Variants in IFIH1 observed in about 807,000 individuals in gnomAD.
The protein encoded by IFIH1 is interferon induced with helicase C domain 1.
Under a neutral mutation model 107.4 loss-of-function variants are expected in IFIH1, and 125 were observed. That is an observed-to-expected ratio of 1.16 (90% CI 1.01 to 1.35). The LOEUF is 1.35. Among genes scored for constraint, IFIH1 ranks in the 40% most tolerant of loss-of-function variants. The pLI, the probability that IFIH1 is intolerant of heterozygous loss-of-function variation, is 0.00. For synonymous variants in IFIH1, 458 were observed against 413.2 expected (o/e 1.11, Z -1.31); for missense variants, 1,333 against 1,213.7 (o/e 1.10, Z -1.46).
At chr2:162,277,068 A>G (rs1682687966) in intron 10 of IFIH1, 122 bp from the exon 11 acceptor site, 3 of 712,090 alleles carry the variant, frequency 4.2e-6, no homozygotes. Flanking sequence ...AAATTAATTA[A>G]TTTAAAAACT....
rs1443563180 is a variant in IFIH1 at position 162,306,226 on chromosome 2, C to A, written c.769+483G>T. Among the ~76,000 whole-genome samples, 2 of 152,160 alleles carry A rather than the reference C, an allele frequency of 1.3e-5. 1 individual carries two copies. Among genetic ancestry groups the A allele is most frequent in the Non-Finnish European group, 2.9e-5 (2 of 68,032 alleles). The stretch of plus-strand genomic sequence containing the variant: ...TTCAGTCCTCACCGATTAGTTAATG[C>A]AATTCAAGCCAACCCTAGTTCAGCA... On this transcript the variant is annotated intron_variant, in intron 3 of 15. Transcript: ENST00000649979.
chr2:162,284,406 T>TA, intron 5 of IFIH1, among the ~76,000 whole-genome samples: 1 of 152,086 alleles, frequency 6.6e-6, no homozygotes, highest in African/African-American at 2.4e-5. Flanking sequence ...TCCAGATTAA[T>TA]AAAATGAGGA....
rs17715343 is a variant in IFIH1, at chr2:162,311,236, C to G, written c.454-303G>C. 0.061 allele frequency among the ~76,000 whole-genome samples: 9,256 copies of G among 152,060 alleles called. 422 individuals are homozygous for G. The highest frequency in any genetic ancestry group is 0.23 in the Middle Eastern group (67 of 294). ...CCTGACACCTAGAAAATAAATTTTACCTCAGCCATTCCTGAATAAAGGATA... is the reference window on the plus strand; with the variant it reads ...CCTGACACCTAGAAAATAAATTTTAGCTCAGCCATTCCTGAATAAAGGATA... On this transcript the variant is annotated intron_variant, in intron 1 of 15. Transcript: ENST00000649979.
chr2:162,291,634 G>A (rs1403431537), intron 4 of IFIH1, among the ~76,000 whole-genome samples: 2 of 151,720 alleles, frequency 1.3e-5, no homozygotes, highest in Admixed American at 1.3e-4. Flanking sequence ...GCCCATATAT[G>A]ACCTCTGGAG....
At chr2:162,276,632 G>C in intron 11 of IFIH1, 55 bp downstream of exon 11, 1 of 1,543,136 alleles carries the variant, frequency 6.5e-7, no homozygotes, top group Non-Finnish European at 8.7e-7. Context: ...AAGAAGAGAA[G>C]AGAAGAAGAA....
chr2:162,270,399 T>G (rs942178360), intron 13 of IFIH1, among the ~76,000 whole-genome samples: 1 of 152,200 alleles, frequency 6.6e-6, no homozygotes. Flanking sequence ...TGTCTGAAGA[T>G]TGTGTTGAGA....
At chr2:162,283,556 A>G (rs191669844) in intron 5 of IFIH1, among the ~76,000 whole-genome samples, 1 of 152,150 alleles carries the variant, frequency 6.6e-6, no homozygotes, top group East Asian at 1.9e-4. Flanking sequence ...AGTTGGCAGG[A>G]AGAGTTTCAA....
At chr2:162,288,428 C>A in intron 4 of IFIH1, 73 bp from the exon 5 acceptor site, 2 of 1,074,748 alleles carry the variant, frequency 1.9e-6, no homozygotes, top group Non-Finnish European at 2.8e-6. Flanking sequence ...TGAAACTGAA[C>A]GTAGGCCTCT....
Position 162,267,095 on chromosome 2 carries a change from C to T in IFIH1, c.*105G>A. On this transcript the variant is annotated 3_prime_UTR_variant, in exon 16 of 16. Transcript: ENST00000649979. ...AGAGTTCAATGCAGAGTAAAACAAT[C>T]ATTTTATTGATTCTTATGTCAGTTC... The T allele has an allele frequency of 2.3e-6, 2 of 861,484 alleles. No homozygotes were observed. Among genetic ancestry groups the T allele is most frequent in the East Asian group, 5.2e-5 (2 of 38,176 alleles). The allele number at this position is 861,484 out of a possible 1,614,324, so 53.4% of individuals were successfully genotyped here. A position where few individuals can be genotyped will look rare whatever the true frequency, so the allele number is the denominator to read the frequency against.
chr2:162,268,294 A>G lies in IFIH1; in HGVS notation c.2617-17T>C, dbSNP rs776649356. 1 of 1,542,600 alleles carries G rather than the reference A, an allele frequency of 6.5e-7. No individual in the cohort carries two copies. Among genetic ancestry groups the G allele is most frequent in the Admixed American group, 1.8e-5 (1 of 57,020 alleles). ...TTCCAAAATCTGGACAGAGAAAGGAATAGTTAGTGGTTTCAGGTTTGTTTT... is the reference window on the plus strand; with the variant it reads ...TTCCAAAATCTGGACAGAGAAAGGAGTAGTTAGTGGTTTCAGGTTTGTTTT... On this transcript the variant is annotated splice_polypyrimidine_tract_variant and intron_variant, in intron 13 of 15. Coordinates refer to ENST00000649979, the MANE Select transcript of IFIH1 (RefSeq NM_022168.4).
At chr2:162,289,990 A>G (rs545856694) in intron 4 of IFIH1, among the ~76,000 whole-genome samples, 2 of 152,058 alleles carry the variant, frequency 1.3e-5, no homozygotes, top group Non-Finnish European at 2.9e-5. Flanking sequence ...TATCAAAACC[A>G]TGATATTTCA....
chr2:162,277,505 C>T lies in IFIH1; in HGVS notation c.1954G>A (p.Glu652Lys), dbSNP rs1682718287. Residue 652 changes from glutamate to lysine, a missense_variant, in exon 10 of 16, where the codon GAG (glutamate) becomes AAG (lysine). By Grantham distance (56) the Glu-to-Lys change is moderately conservative. Coordinates refer to ENST00000649979, the MANE Select transcript of IFIH1 (RefSeq NM_022168.4). Reference protein sequence around the residue: ...EDDSDEGGDDEYCDGDEDEDD... With the variant: ...EDDSDEGGDDKYCDGDEDEDD... Reference sequence around the variant, plus strand: ...TCATCTTCATCACCATCACAATACTCATCATCACCACCCTCATCACTATCA... The same window carrying T: ...TCATCTTCATCACCATCACAATACTTATCATCACCACCCTCATCACTATCA... The T allele has an allele frequency of 2.5e-6, 4 of 1,579,616 alleles. No individual in the cohort carries two copies. Among genetic ancestry groups the T allele is most frequent in the East Asian group, 2.2e-5 (1 of 44,644 alleles).
intron 10 of IFIH1, among the ~76,000 whole-genome samples, chr2:162,277,152 A>G (rs1682698923): frequency 6.6e-6 from 1 of 152,212 alleles, no homozygotes. Context: ...CTCATCTACA[A>G]TCTTGCGCTA....
rs898118498 is a variant in IFIH1, at chr2:162,281,327, C to T, written c.1524+1G>A. Reference sequence around the variant, plus strand: ...TGGTTATACATAAAATTATGACTTACTTTTAAAATGTGTTCTTCAGCTTTG... The same window carrying T: ...TGGTTATACATAAAATTATGACTTATTTTTAAAATGTGTTCTTCAGCTTTG... On this transcript the variant is annotated splice_donor_variant, in intron 7 of 15. Coordinates refer to ENST00000649979, the MANE Select transcript of IFIH1 (RefSeq NM_022168.4). LOFTEE classifies it high-confidence loss of function. 1.2e-6 allele frequency: 2 copies of T among 1,608,694 alleles called. No homozygotes were observed. The highest frequency in any genetic ancestry group is 2.2e-5 in the East Asian group (1 of 44,814).
chr2:162,274,254 G>A (rs1013178094), intron 11 of IFIH1, among the ~76,000 whole-genome samples: 9 of 152,220 alleles, frequency 5.9e-5, no homozygotes, highest in East Asian at 1.9e-4. Flanking sequence ...AGGAGCTGTC[G>A]GTTGAGAAGA....
At chr2:162,314,412 TTTCTTTTCTTTCTTTCTTTCTTTC>T (rs1683440838) in intron 1 of IFIH1, among the ~76,000 whole-genome samples, 3 of 68,936 alleles carry the variant, frequency 4.4e-5, no homozygotes, top group African/African-American at 2.1e-4. Context: ...TCTTTCTTTC[TTTCTTTTCTTTCTTTCTTTCTTTC>T]TTTCTTTCTT....
rs1187778284 is a variant in IFIH1, at chr2:162,282,439, GATA to G, written c.1230_1232del (p.Ile411del). The G allele has an allele frequency of 2.5e-6, 4 of 1,611,794 alleles. No individual in the cohort carries two copies. The highest frequency in any genetic ancestry group is 1.1e-5 in the South Asian group (1 of 91,020). ...AGTTTTCAAGGATTTGAGCTGTACT[GATA>G]ATAATATCACAGGACTTGACAACTT... On this transcript the variant is annotated inframe_deletion, in exon 6 of 16. Transcript: ENST00000649979.
intron 1 of IFIH1, 111 bp from the exon 2 acceptor site, chr2:162,311,044 G>C (rs1683377491): frequency 1.3e-6 from 1 of 748,690 alleles, no homozygotes; most frequent in Non-Finnish European, 2.1e-6. Context: ...ATAAATAAAG[G>C]CTTACATTGA....
At chr2:162,302,069 A>G (rs572445140) in intron 3 of IFIH1, among the ~76,000 whole-genome samples, 2 of 152,274 alleles carry the variant, frequency 1.3e-5, no homozygotes, top group East Asian at 3.9e-4. Flanking sequence ...ATATGATGAA[A>G]TCACTCTCTA....
Sources: allele counts gnomAD v4.1 joint callset (sites outside exome capture counted in the v4.1 genomes callset), GRCh38; gene constraint gnomAD v4.1.1; transcripts MANE v1.5; gene names NCBI Gene and HGNC (gene_info 2026-07-23, HGNC 2026-07-21).